Variants in SLC31A1 observed in about 807,000 individuals in gnomAD.
SLC31A1 encodes the protein solute carrier family 31 member 1, also known as high affinity copper uptake protein 1.
SLC31A1 carries 5 observed loss-of-function variants against 17.2 expected under a neutral mutation model. The observed-to-expected ratio is 0.29, with a 90% confidence interval of 0.15 to 0.61. The LOEUF (loss-of-function observed/expected upper bound fraction) is 0.61, where lower values mean the gene tolerates loss of function less well. Ranked by LOEUF, SLC31A1 falls within the 20% of genes least tolerant of loss-of-function variation. The pLI, the probability that SLC31A1 is intolerant of heterozygous loss-of-function variation, is 0.86. For missense variants in SLC31A1, 161 were observed against 241.4 expected (o/e 0.67, Z 2.21); for synonymous variants, 76 against 78.8 (o/e 0.96, Z 0.19).
rs930676789 is a variant in SLC31A1, at chr9:113,256,100, C to A, written c.-35-14C>A. On this transcript the variant is annotated splice_polypyrimidine_tract_variant and intron_variant, in intron 1 of 4. Transcript: ENST00000374212. ...TATCCTTAAATTATTATATATAATT[C>A]TTTCTCTTAAAAGAATCTTCTGCTG... 3.2e-6 allele frequency: 5 copies of A among 1,579,444 alleles called. No individual in the cohort carries two copies. Among genetic ancestry groups the A allele is most frequent in the Admixed American group, 1.7e-5 (1 of 59,738 alleles).
intron 1 of SLC31A1, among the ~76,000 whole-genome samples, chr9:113,237,368 TG>T (rs1831471315): frequency 6.6e-6 from 1 of 152,146 alleles, no homozygotes; most frequent in African/African-American, 2.4e-5. Context: ...AGCTTGACAT[TG>T]GTTTACCCGG....
chr9:113,252,305 C>CT (rs895240609), intron 1 of SLC31A1, among the ~76,000 whole-genome samples: 6 of 151,938 alleles, frequency 3.9e-5, no homozygotes, highest in Admixed American at 1.3e-4. Context: ...TATAGTCCTG[C>CT]TTTTTTTTGA....
chr9:113,253,305 A>T (rs956832871), intron 1 of SLC31A1, among the ~76,000 whole-genome samples: 1 of 152,012 alleles, frequency 6.6e-6, no homozygotes, highest in African/African-American at 2.4e-5. Context: ...ATAATTTATG[A>T]TCACTCAGAT....
chr9:113,258,967 C>G lies in SLC31A1; in HGVS notation c.371+105C>G, dbSNP rs151224518. ...CAGCCCTCTTCTTGAGTTAGGAGTT[C>G]TGTATGACCTTGATCAAAACTGTCC... On this transcript the variant is annotated intron_variant, in intron 4 of 4. Coordinates refer to ENST00000374212, the MANE Select transcript of SLC31A1 (RefSeq NM_001859.4). This position sits in a 1 kb window ranked among gnomAD's most constrained non-coding sequence, Gnocchi z 4.8. 391 of 1,189,360 alleles carry G rather than the reference C, an allele frequency of 3.3e-4. 2 individuals are homozygous for G. In the East Asian group the frequency reaches 8.1e-3, roughly 25 times the overall value. 73.7% of individuals were successfully genotyped at this position (1,189,360 alleles called of 1,614,324 possible). A position where few individuals can be genotyped will look rare whatever the true frequency, so the allele number is the denominator to read the frequency against.
In SLC31A1 at chr9:113,257,158, T is replaced by G. The variant is rs1261955516; in HGVS notation, c.175T>G (p.Ser59Ala). 19 of 1,613,854 alleles carry G rather than the reference T, an allele frequency of 1.2e-5. No homozygotes were observed. The highest frequency in any genetic ancestry group is 1.5e-5 in the Non-Finnish European group (18 of 1,179,882). ...FGFKNVELLF[S>A]GLVINTAGEM... ...CTTTAAGAATGTGGAACTACTGTTT[T>G]CCGGTTTGGTGATCAATACAGCTGG... The change falls in exon 3 of 5, where the codon TCC becomes GCC. Residue 59 changes from serine (S) to alanine (A), a missense_variant. Ser to Ala is a moderately conservative substitution (Grantham distance 99). Coordinates refer to ENST00000374212, the MANE Select transcript of SLC31A1 (RefSeq NM_001859.4).
chr9:113,236,027 G>A (rs1485861867), intron 1 of SLC31A1, among the ~76,000 whole-genome samples: 2 of 152,108 alleles, frequency 1.3e-5, no homozygotes, highest in African/African-American at 4.8e-5. Flanking sequence ...TTGCTGTGTC[G>A]CCCAGGCTAG....
chr9:113,260,746 C>G lies in SLC31A1; in HGVS notation c.*273C>G. 1 of 475,498 alleles carries G rather than the reference C, an allele frequency of 2.1e-6. No homozygotes were observed. Among genetic ancestry groups the G allele is most frequent in the Non-Finnish European group, 3.9e-6 (1 of 257,934 alleles). The allele number at this position is 475,498 out of a possible 1,614,324, so 29.5% of individuals were successfully genotyped here. A position where few individuals can be genotyped will look rare whatever the true frequency, so the allele number is the denominator to read the frequency against. On this transcript the variant is annotated 3_prime_UTR_variant, in exon 5 of 5. Coordinates refer to ENST00000374212, the MANE Select transcript of SLC31A1 (RefSeq NM_001859.4). ...CATGAGATGTCTTTTCCTTCTCCAT[C>G]ATCTTAGAGCCAAGTTATATGTTCT...
intron 1 of SLC31A1, among the ~76,000 whole-genome samples, chr9:113,253,107 C>G (rs1831677974): frequency 6.6e-6 from 1 of 152,054 alleles, no homozygotes; most frequent in African/African-American, 2.4e-5. Flanking sequence ...GCACCCGCCA[C>G]CATGCCCGGC....
At chr9:113,227,905 C>A (rs185387628) in intron 1 of SLC31A1, among the ~76,000 whole-genome samples, 1 of 152,288 alleles carries the variant, frequency 6.6e-6, no homozygotes, top group East Asian at 1.9e-4. Context: ...CTGTATACTT[C>A]AAGAAACATG....
At chr9:113,240,583 G>C (rs1314922248) in intron 1 of SLC31A1, among the ~76,000 whole-genome samples, 1 of 152,016 alleles carries the variant, frequency 6.6e-6, no homozygotes, top group Non-Finnish European at 1.5e-5. Context: ...AAATCAAAAA[G>C]ATCAAGGTCC....
At chr9:113,223,275 G>A (rs1468132007) in intron 1 of SLC31A1, 1 of 449,968 alleles carries the variant, frequency 2.2e-6, no homozygotes, top group Non-Finnish European at 4.5e-6. Flanking sequence ...ATGAGGAGGA[G>A]GAAGATGATG....
In SLC31A1 at chr9:113,260,369, A is replaced by G; in HGVS notation, c.469A>G (p.Asn157Asp). Residue 157 changes from asparagine (N) to aspartate (D), a missense_variant, in exon 5 of 5, where the codon AAC becomes GAC. Coordinates refer to ENST00000374212, the MANE Select transcript of SLC31A1 (RefSeq NM_001859.4). ...CCTCATGCTCATCTTCATGACCTAC[A>G]ACGGGTACCTCTGCATTGCAGTAGC... ...YFLMLIFMTY[N>D]GYLCIAVAAG... The G allele has an allele frequency of 1.2e-6, 2 of 1,614,176 alleles. No homozygotes were observed. Among genetic ancestry groups the G allele is most frequent in the Non-Finnish European group, 1.7e-6 (2 of 1,180,018 alleles).
chr9:113,260,575 G>GCTCTTACACACA lies in SLC31A1; in HGVS notation c.*103_*104insTCTTACACACAC. 1.4e-6 allele frequency: 1 copy of GCTCTTACACACA among 734,294 alleles called. No homozygotes were observed. Among genetic ancestry groups the GCTCTTACACACA allele is most frequent in the East Asian group, 3.0e-5 (1 of 32,790 alleles). The allele number at this position is 734,294 out of a possible 1,614,324, so 45.5% of individuals were successfully genotyped here. ...ATCATCCCTTCTTGCTCCTCTTTGT[G>GCTCTTACACACA]CACGTACACACACACACACACACAC... On this transcript the variant is annotated 3_prime_UTR_variant, in exon 5 of 5. Transcript: ENST00000374212.
chr9:113,248,855 A>C (rs138090582), intron 1 of SLC31A1, among the ~76,000 whole-genome samples: 1 of 152,288 alleles, frequency 6.6e-6, no homozygotes, highest in East Asian at 1.9e-4. Flanking sequence ...AATAAAGTCA[A>C]GTGAGGAGAG....
At chr9:113,253,543 A>T (rs1831684837) in intron 1 of SLC31A1, among the ~76,000 whole-genome samples, 1 of 147,874 alleles carries the variant, frequency 6.8e-6, no homozygotes. Flanking sequence ...CAGATTGTCG[A>T]GCTCTGTAAT....
chr9:113,234,143 A>G (rs1831428935), intron 1 of SLC31A1, among the ~76,000 whole-genome samples: 1 of 151,962 alleles, frequency 6.6e-6, no homozygotes, highest in Admixed American at 6.6e-5. Flanking sequence ...CCGTAGGATC[A>G]ACTTTTTTGG....
chr9:113,233,310 A>C lies in SLC31A1; in HGVS notation c.-36+11632A>C, dbSNP rs557999118. On this transcript the variant is annotated intron_variant, in intron 1 of 4. Coordinates refer to ENST00000374212, the MANE Select transcript of SLC31A1 (RefSeq NM_001859.4). ...AGCTGCCATAATAAAGAAAGGGGAAATATCTTTTCTACCCACAGCTTCCTC... is the reference window on the plus strand; with the variant it reads ...AGCTGCCATAATAAAGAAAGGGGAACTATCTTTTCTACCCACAGCTTCCTC... Among the ~76,000 whole-genome samples, 5 of 152,322 alleles carry C rather than the reference A, an allele frequency of 3.3e-5. No individual in the cohort carries two copies. The South Asian group carries it at 1.0e-3, about 32-fold the overall frequency.
At chr9:113,244,942 G>T (rs890779183) in intron 1 of SLC31A1, among the ~76,000 whole-genome samples, 1 of 151,844 alleles carries the variant, frequency 6.6e-6, no homozygotes, top group Admixed American at 6.6e-5. Flanking sequence ...TTTTCTTGTT[G>T]ACCTGACCTA....
chr9:113,231,072 C>G (rs551982377), intron 1 of SLC31A1, among the ~76,000 whole-genome samples: 1 of 152,262 alleles, frequency 6.6e-6, no homozygotes, highest in African/African-American at 2.4e-5. Flanking sequence ...GCTCCCCTCT[C>G]AAGTGCCATA....
Sources: allele counts gnomAD v4.1 joint callset (sites outside exome capture counted in the v4.1 genomes callset), GRCh38; gene constraint gnomAD v4.1.1; non-coding constraint Gnocchi (gnomAD v3.1); transcripts MANE v1.5; gene names NCBI Gene and HGNC (gene_info 2026-07-23, HGNC 2026-07-21).